The following NDRG2 variants were observed in gnomAD, a reference collection of about 807,000 sequenced individuals.
NDRG2 encodes the protein NDRG family member 2.
A neutral mutation model predicts 58.2 loss-of-function variants in NDRG2; 34 were observed. The ratio of observed to expected loss-of-function variants is 0.58; its 90% CI spans 0.44 to 0.78. NDRG2 has a LOEUF of 0.78. NDRG2 is among the 30% of genes least tolerant of loss of function. The pLI, the probability that NDRG2 is intolerant of heterozygous loss-of-function variation, is 0.00. For synonymous variants in NDRG2, 187 were observed against 175.9 expected (o/e 1.06, Z -0.50); for missense variants, 434 against 471.2 (o/e 0.92, Z 0.73).
Position 21,024,696 on chromosome 14 carries a change from C to T in NDRG2, c.-673G>A, listed in dbSNP as rs1882809871. The T allele has an allele frequency of 6.1e-6, 6 of 985,346 alleles. No individual in the cohort carries two copies. Among genetic ancestry groups the T allele is most frequent in the South Asian group, 9.4e-5 (2 of 21,296 alleles). The allele number at this position is 985,346 out of a possible 1,614,324, so 61.0% of individuals were successfully genotyped here. ...GACGGCCCGCGAAGGCAAGCGCCAT[C>T]GGGAAGGGATGGGTAGGACAGAGGA... On this transcript the variant is annotated 5_prime_UTR_variant, in exon 1 of 16. Transcript: ENST00000556147.
In NDRG2 at chr14:21,016,818, G is replaced by A. The variant is rs57283422; in HGVS notation, c.*778C>T. Reference sequence around the variant, plus strand: ...TGTTATAGCAGAAGTTGTGGGAGACGGGAGGGCACCCTCCACACATACTAC... The same window carrying A: ...TGTTATAGCAGAAGTTGTGGGAGACAGGAGGGCACCCTCCACACATACTAC... On this transcript the variant is annotated 3_prime_UTR_variant, in exon 16 of 16. Transcript: ENST00000556147. 25,448 of 453,926 alleles carry A rather than the reference G, an allele frequency of 0.056. 1,850 individuals are homozygous for A. Among genetic ancestry groups the A allele is most frequent in the East Asian group, 0.33 (4,749 of 14,248 alleles). 28.1% of individuals were successfully genotyped at this position (453,926 alleles called of 1,614,324 possible). A position where few individuals can be genotyped will look rare whatever the true frequency, so the allele number is the denominator to read the frequency against.
At chr14:21,032,447 A>T (rs887284824) in intron 1 of NDRG2, 6 of 406,406 alleles carry the variant, frequency 1.5e-5, no homozygotes, top group Non-Finnish European at 2.9e-5. Context: ...ACCCCTCAAA[A>T]GGGTGTAGCA....
chr14:21,033,813 A>C (rs763519949), intron 1 of NDRG2: 1 of 1,573,170 alleles, frequency 6.4e-7, no homozygotes, highest in Non-Finnish European at 8.8e-7. Context: ...GGAGTGGCTC[A>C]GGAATTAAAT....
intron 1 of NDRG2, among the ~76,000 whole-genome samples, chr14:21,036,527 C>T (rs1012439478): frequency 3.3e-5 from 5 of 152,284 alleles, no homozygotes; most frequent in South Asian, 2.1e-4. Context: ...ATGTGACCCG[C>T]GGGCCATGGG....
chr14:21,023,387 G>C (rs777722238), intron 1 of NDRG2, 66 bp from the exon 2 acceptor site: 1 of 1,400,864 alleles, frequency 7.1e-7, no homozygotes, highest in Non-Finnish European at 1.0e-6. Flanking sequence ...CAAACACCAG[G>C]CTTCCTCTCT....
At chr14:21,020,452 G>A (rs1226374053) in intron 8 of NDRG2, 44 bp downstream of exon 8, 1 of 1,518,822 alleles carries the variant, frequency 6.6e-7, no homozygotes, top group African/African-American at 1.4e-5. Context: ...ATCCATACGA[G>A]GGGATCCCCA....
chr14:21,052,507 G>A (rs1398282422), intron 1 of NDRG2, among the ~76,000 whole-genome samples: 4 of 152,142 alleles, frequency 2.6e-5, no homozygotes, highest in Non-Finnish European at 5.9e-5. Flanking sequence ...CAGGGAAGAG[G>A]GAAACAGAAG....
At chr14:21,067,364 T>C (rs1001346094) in intron 1 of NDRG2, among the ~76,000 whole-genome samples, 1 of 152,176 alleles carries the variant, frequency 6.6e-6, no homozygotes, top group Non-Finnish European at 1.5e-5. Context: ...AAATTTAACT[T>C]TTTTAGCCTG....
At position 21,035,811 on chromosome 14, in the gene NDRG2, G is replaced by T. The variant is rs540328727; in HGVS notation, c.25-12490C>A. 1.1e-3 allele frequency: 490 copies of T among 456,212 alleles called. 7 individuals carry two copies. The highest frequency in any genetic ancestry group is 5.6e-3 in the South Asian group (362 of 64,560). The allele number at this position is 456,212 out of a possible 1,614,324, so 28.3% of individuals were successfully genotyped here. ...CAACTCAGTTTCCCTGGTTACCTATGCAAGAAACCTGAAAGTGATCCTAGA... is the reference window on the plus strand; with the variant it reads ...CAACTCAGTTTCCCTGGTTACCTATTCAAGAAACCTGAAAGTGATCCTAGA... On this transcript the variant is annotated intron_variant, in intron 1 of 14. Transcript: ENST00000403829.
intron 1 of NDRG2, among the ~76,000 whole-genome samples, chr14:21,060,184 T>C (rs1885885188): frequency 6.6e-6 from 1 of 152,160 alleles, no homozygotes. Flanking sequence ...AAACGTGAAG[T>C]GGCAGAGAAA....
chr14:21,070,513 C>G lies in NDRG2; in HGVS notation c.24+315G>C. 7.9e-7 allele frequency: 1 copy of G among 1,270,148 alleles called. No individual in the cohort carries two copies. Among genetic ancestry groups the G allele is most frequent in the East Asian group, 2.7e-5 (1 of 37,170 alleles). The allele number at this position is 1,270,148 out of a possible 1,614,324, so 78.7% of individuals were successfully genotyped here. The stretch of plus-strand genomic sequence containing the variant: ...GCCTGCCTCGGACTGTTCGGCCCCT[C>G]TGGGACTCTCCTCCCTCCCATCCCC... On this transcript the variant is annotated intron_variant, in intron 1 of 14. Transcript: ENST00000403829. This position sits in a 1 kb window ranked among gnomAD's most constrained non-coding sequence, Gnocchi z 4.7.
At position 21,017,727 on chromosome 14, in the gene NDRG2, G is replaced by A. The variant is rs772812565; in HGVS notation, c.985C>T (p.Arg329Cys). The change falls in exon 16 of 16, where the codon CGT becomes TGT. Residue 329 changes from arginine (R) to cysteine (C), a missense_variant. Physicochemically the swap from Arg to Cys is radical, Grantham distance 180 (BLOSUM62 -3). Coordinates refer to ENST00000556147, the MANE Select transcript of NDRG2 (RefSeq NM_001320329.2). ...SSCMTRLSRS[R>C]TASLTSAASV... is the part of the protein sequence containing the mutation. ...GCTGCACTGGTCAGAGAGGCTGTAC[G>A]AGACCGGGACAGGCGAGTCATGCAG... 12 of 1,603,358 alleles carry A rather than the reference G, an allele frequency of 7.5e-6. No homozygotes were observed. The highest frequency in any genetic ancestry group is 6.7e-5 in the African/African-American group (5 of 74,724).
chr14:21,027,238 C>A (rs1883748314), upstream of NDRG2, among the ~76,000 whole-genome samples: 1 of 152,192 alleles, frequency 6.6e-6, no homozygotes, highest in Non-Finnish European at 1.5e-5. Context: ...GCTCCCAGCC[C>A]AACCAGGGTG....
At chr14:21,035,992 T>G (rs975623724) in intron 1 of NDRG2, 1 of 382,650 alleles carries the variant, frequency 2.6e-6, no homozygotes, top group African/African-American at 2.1e-5. Context: ...GAAAGCTTCC[T>G]TGTTTCATCT....
chr14:21,020,764 C>T lies in NDRG2; in HGVS notation c.468+20G>A, dbSNP rs957754124. On this transcript the variant is annotated intron_variant, in intron 7 of 15. Coordinates refer to ENST00000556147, the MANE Select transcript of NDRG2 (RefSeq NM_001320329.2). ...CAGTCTGGACCCTCCTTTCCCTCCTCTGGGCTTTTTATTTCTTACAGCATA... is the reference window on the plus strand; with the variant it reads ...CAGTCTGGACCCTCCTTTCCCTCCTTTGGGCTTTTTATTTCTTACAGCATA... 4.3e-6 allele frequency: 7 copies of T among 1,614,106 alleles called. No individual in the cohort carries two copies. Among genetic ancestry groups the T allele is most frequent in the Non-Finnish European group, 5.9e-6 (7 of 1,179,980 alleles).
At chr14:21,034,028 C>T (rs1443712982) in intron 1 of NDRG2, 6 of 1,614,164 alleles carry the variant, frequency 3.7e-6, no homozygotes, top group Admixed American at 3.3e-5. Flanking sequence ...TGTCACTATA[C>T]TTGCAGAACT....
At chr14:21,043,298 G>A (rs753375586) in intron 1 of NDRG2, 2 of 1,614,168 alleles carry the variant, frequency 1.2e-6, no homozygotes, top group Non-Finnish European at 1.7e-6. Flanking sequence ...AGAGCCACGG[G>A]GCCGTGTCCC....
intron 1 of NDRG2, among the ~76,000 whole-genome samples, chr14:21,036,907 T>C (rs983233708): frequency 6.6e-6 from 1 of 152,216 alleles, no homozygotes; most frequent in Non-Finnish European, 1.5e-5. Context: ...AAGACAACAC[T>C]GAGCGGGTGC....
At chr14:21,020,902 GC>G in intron 6 of NDRG2, 58 bp from the exon 7 acceptor site, 4 of 1,568,882 alleles carry the variant, frequency 2.5e-6, no homozygotes, top group Non-Finnish European at 3.5e-6. Context: ...ACCTGCCACA[GC>G]CCATCTCTTC....
Sources: allele counts gnomAD v4.1 joint callset (sites outside exome capture counted in the v4.1 genomes callset), GRCh38; gene constraint gnomAD v4.1.1; non-coding constraint Gnocchi (gnomAD v3.1); transcripts MANE v1.5; gene names NCBI Gene and HGNC (gene_info 2026-07-23, HGNC 2026-07-21).